ADAMTS18: variants seen among roughly 807,000 people sequenced by gnomAD.
ADAMTS18 encodes the protein ADAM metallopeptidase with thrombospondin type 1 motif 18, also known as A disintegrin and metalloproteinase with thrombospondin motifs 18.
ADAMTS18 carries 157 observed loss-of-function variants against 165.9 expected under a neutral mutation model. The ratio of observed to expected loss-of-function variants is 0.95; its 90% CI spans 0.83 to 1.08. ADAMTS18 has a LOEUF of 1.08. Among genes scored for constraint, ADAMTS18 ranks in the 50% least tolerant of loss-of-function variants. The probability of loss-of-function intolerance (pLI) is 0.00; values close to 1 mark genes in which losing one functional copy is unlikely to be tolerated. For missense variants in ADAMTS18, 2,040 were observed against 1,534.0 expected (o/e 1.33, Z -5.51); for synonymous variants, 782 against 578.2 (o/e 1.35, Z -5.06).
At chr16:77,371,874 A>G (rs1406706994) in intron 3 of ADAMTS18, among the ~76,000 whole-genome samples, 1 of 152,228 alleles carries the variant, frequency 6.6e-6, no homozygotes, top group African/African-American at 2.4e-5. Flanking sequence ...TATGTACCCG[A>G]TAAGAGTTAA....
Position 77,362,192 on chromosome 16 carries a change from C to A in ADAMTS18, c.1129G>T (p.Gly377Ter). The A allele has an allele frequency of 6.2e-7, 1 of 1,614,092 alleles. No individual in the cohort carries two copies. The highest frequency in any genetic ancestry group is 8.5e-7 in the Non-Finnish European group (1 of 1,180,012). ...TGATCATGTCTCTTGCCATTCTTTC[C>A]AATGAGGGCAGACTGCCATTGACAA... is the stretch of plus-strand genomic sequence containing the variant. ...SFCQWQSALI[G>*]KNGKRHDHAI... is the part of the protein sequence containing the mutation. The change falls in exon 7 of 23, where the codon GGA becomes TGA. Residue 377 changes from glycine to a stop codon, truncating the protein, a stop_gained. Coordinates refer to ENST00000282849, the MANE Select transcript of ADAMTS18 (RefSeq NM_199355.4). LOFTEE classifies it high-confidence loss of function.
chr16:77,419,557 C>G (rs926327786), intron 3 of ADAMTS18, among the ~76,000 whole-genome samples: 1 of 152,156 alleles, frequency 6.6e-6, no homozygotes, highest in Non-Finnish European at 1.5e-5. Flanking sequence ...AAAGGGATCA[C>G]GTAATTAGGT....
At chr16:77,399,364 A>G (rs144288019) in intron 3 of ADAMTS18, among the ~76,000 whole-genome samples, 2 of 152,308 alleles carry the variant, frequency 1.3e-5, no homozygotes, top group Admixed American at 6.5e-5. Context: ...TAGCACCTCA[A>G]TCCCCCAGAG....
chr16:77,334,879 ATATAT>A (rs1001823680), intron 12 of ADAMTS18, among the ~76,000 whole-genome samples: 15 of 132,534 alleles, frequency 1.1e-4, no homozygotes, highest in South Asian at 1.1e-3. Flanking sequence ...TATATGCACT[ATATAT>A]TATAATATAC....
chr16:77,350,461 C>T (rs2056539953), intron 10 of ADAMTS18, among the ~76,000 whole-genome samples: 1 of 152,056 alleles, frequency 6.6e-6, no homozygotes, highest in Non-Finnish European at 1.5e-5. Context: ...GCGACTGTAC[C>T]AAGAGATGAA....
intron 10 of ADAMTS18, among the ~76,000 whole-genome samples, chr16:77,344,186 G>C (rs1275646655): frequency 6.8e-6 from 1 of 146,616 alleles, no homozygotes; most frequent in Non-Finnish European, 1.5e-5. Flanking sequence ...TACACATACA[G>C]TAATTTTGGT....
At position 77,359,432 on chromosome 16, in the gene ADAMTS18, A is replaced by G; in HGVS notation, c.1217-9T>C. 2 of 1,611,236 alleles carry G rather than the reference A, an allele frequency of 1.2e-6. No homozygotes were observed. Among genetic ancestry groups the G allele is most frequent in the Non-Finnish European group, 1.7e-6 (2 of 1,178,468 alleles). The stretch of plus-strand genomic sequence containing the variant: ...ACTGATGGGGGCAAACCCTATTGAA[A>G]GAGCAGTTTCAAATGTGAATCCAAA... On this transcript the variant is annotated splice_polypyrimidine_tract_variant and intron_variant, in intron 7 of 22. Transcript: ENST00000282849.
chr16:77,330,678 C>T (rs937582774), intron 12 of ADAMTS18, among the ~76,000 whole-genome samples: 1 of 152,230 alleles, frequency 6.6e-6, no homozygotes, highest in Non-Finnish European at 1.5e-5. Flanking sequence ...CAAAGGATGT[C>T]CCTGTGTGCC....
chr16:77,361,761 G>C (rs1397569939), intron 7 of ADAMTS18, among the ~76,000 whole-genome samples: 1 of 152,150 alleles, frequency 6.6e-6, no homozygotes, highest in Non-Finnish European at 1.5e-5. Context: ...GCAGGTGCCT[G>C]TAATCCCAGC....
In ADAMTS18 at chr16:77,287,281, T is replaced by C. The variant is rs115064242; in HGVS notation, c.3550+1983A>G. 3.4e-3 allele frequency among the ~76,000 whole-genome samples: 523 copies of C among 152,216 alleles called. 8 individuals carry two copies. Among genetic ancestry groups the C allele is most frequent in the African/African-American group, 0.012 (507 of 41,530 alleles). ...CTGCTCACTAATGTTTTCTGAAAAC[T>C]CACAGCCAGAAAATACACTCAAACG... On this transcript the variant is annotated intron_variant, in intron 22 of 22. Coordinates refer to ENST00000282849, the MANE Select transcript of ADAMTS18 (RefSeq NM_199355.4).
At chr16:77,419,520 C>T (rs2057573781) in intron 3 of ADAMTS18, among the ~76,000 whole-genome samples, 1 of 152,158 alleles carries the variant, frequency 6.6e-6, no homozygotes, top group Admixed American at 6.5e-5. Flanking sequence ...CTTCTCCTCT[C>T]TTTGACCTCT....
chr16:77,320,843 T>G (rs1372903428), intron 15 of ADAMTS18, among the ~76,000 whole-genome samples: 1 of 152,202 alleles, frequency 6.6e-6, no homozygotes, highest in Non-Finnish European at 1.5e-5. Flanking sequence ...TGGGGCCTGG[T>G]CGGCATACTA....
At chr16:77,350,934 A>G (rs1395899764) in intron 10 of ADAMTS18, among the ~76,000 whole-genome samples, 2 of 150,088 alleles carry the variant, frequency 1.3e-5, no homozygotes, top group Non-Finnish European at 3.0e-5. Context: ...GGCATGGAGG[A>G]AAAAAAAAAG....
At chr16:77,340,366 G>T (rs902288096) in intron 11 of ADAMTS18, among the ~76,000 whole-genome samples, 1 of 151,982 alleles carries the variant, frequency 6.6e-6, no homozygotes, top group Admixed American at 6.6e-5. Context: ...GTAGTCCCAA[G>T]GTTTCACCAC....
chr16:77,294,903 C>G lies in ADAMTS18; in HGVS notation c.3006+20G>C. On this transcript the variant is annotated intron_variant, in intron 19 of 22. Transcript: ENST00000282849. ...TTCATGGGGACCGAGAATAGTAACT[C>G]CCAAGTTTTCTCCTGTTACCTGAGA... The G allele has an allele frequency of 6.2e-7, 1 of 1,613,194 alleles. No homozygotes were observed. The highest frequency in any genetic ancestry group is 8.5e-7 in the Non-Finnish European group (1 of 1,179,366).
intron 16 of ADAMTS18, among the ~76,000 whole-genome samples, chr16:77,312,887 G>A (rs562273421): frequency 2.0e-5 from 3 of 152,212 alleles, no homozygotes; most frequent in East Asian, 1.9e-4. Context: ...ACAGTGTGGC[G>A]ATTCCTCAGG....
Position 77,364,288 on chromosome 16 carries a change from T to A in ADAMTS18, c.872A>T (p.Lys291Met). The A allele has an allele frequency of 6.2e-7, 1 of 1,614,032 alleles. No individual in the cohort carries two copies. The highest frequency in any genetic ancestry group is 8.5e-7 in the Non-Finnish European group (1 of 1,180,014). Residue 291 changes from lysine (K) to methionine (M), a missense_variant, in exon 5 of 23, where the codon AAG becomes ATG. Transcript: ENST00000282849. Reference sequence around the variant, plus strand: ...CACGAGGGTTTCCACATTGAGGCCCTTTTGTGATTTTCCAGCTGATCTTCT... The same window carrying A: ...CACGAGGGTTTCCACATTGAGGCCCATTTGTGATTTTCCAGCTGATCTTCT... ...RPRRSAGKSQ[K>M]GLNVETLVVA...
At chr16:77,338,311 C>T (rs916644631) in intron 11 of ADAMTS18, among the ~76,000 whole-genome samples, 8 of 152,156 alleles carry the variant, frequency 5.3e-5, no homozygotes, top group African/African-American at 1.9e-4. Flanking sequence ...TCTTGGCACA[C>T]TGTAGCCTCC....
chr16:77,359,857 A>G (rs1215995738), intron 7 of ADAMTS18, among the ~76,000 whole-genome samples: 1 of 152,194 alleles, frequency 6.6e-6, no homozygotes, highest in Admixed American at 6.5e-5. Context: ...TTTTCCAAGG[A>G]AAAACACATA....
Sources: gnomAD v4.1 joint callset for allele counts (sites outside exome capture counted in the v4.1 genomes callset) on GRCh38, gnomAD v4.1.1 for gene constraint, MANE v1.5 for transcripts, NCBI Gene and HGNC (gene_info 2026-07-23, HGNC 2026-07-21) for gene names.